PIAS2: variants seen among roughly 807,000 people sequenced by gnomAD.
PIAS2 encodes the protein protein inhibitor of activated STAT 2.
Under a neutral mutation model 69.7 loss-of-function variants are expected in PIAS2, and 19 were observed. The ratio of observed to expected loss-of-function variants is 0.27; its 90% CI spans 0.19 to 0.40. The LOEUF is 0.40. Ranked by LOEUF, PIAS2 falls within the 10% of genes least tolerant of loss-of-function variation. The pLI is 1.00. For missense variants in PIAS2, 624 were observed against 757.0 expected (o/e 0.82, Z 2.06); for synonymous variants, 261 against 263.2 (o/e 0.99, Z 0.08).
chr18:46,856,031 A>G, intron 3 of PIAS2, among the ~76,000 whole-genome samples: 2 of 107,862 alleles, frequency 1.9e-5, no homozygotes, highest in African/African-American at 3.8e-5. Flanking sequence ...TTTGAGACAG[A>G]GTCTTGCCCT....
intron 9 of PIAS2, among the ~76,000 whole-genome samples, chr18:46,833,458 A>G (rs986360966): frequency 6.6e-6 from 1 of 152,192 alleles, no homozygotes; most frequent in Non-Finnish European, 1.5e-5. Context: ...GACTGGGATA[A>G]TGATTTCATA....
At chr18:46,848,999 G>A (rs1255532773) in intron 5 of PIAS2, among the ~76,000 whole-genome samples, 2 of 152,112 alleles carry the variant, frequency 1.3e-5, no homozygotes, top group Admixed American at 1.3e-4. Flanking sequence ...TTTGGGCCTG[G>A]AAGATAATTC....
chr18:46,890,902 T>G lies in PIAS2; in HGVS notation c.177A>C (p.Glu59Asp). 6.2e-7 allele frequency: 1 copy of G among 1,614,154 alleles called. No individual in the cohort carries two copies. The change falls in exon 2 of 14, where the codon GAA (glutamate) becomes GAC (aspartate). Residue 59 changes from glutamate (E) to aspartate (D), a missense_variant. Transcript: ENST00000585916. ...CSPAVQIKIRELYRRRYPRTL... is the reference protein window; with the variant it reads ...CSPAVQIKIRDLYRRRYPRTL... ...TTCGTGGATATCGGCGTCTATACAA[T>G]TCTCGGATTTTAATCTGAACCGCAG...
rs1167556188 is a variant in PIAS2 at position 46,808,731 on chromosome 18, T to C, written c.*3702A>G. On this transcript the variant is annotated 3_prime_UTR_variant, in exon 14 of 14. Coordinates refer to ENST00000585916, the MANE Select transcript of PIAS2 (RefSeq NM_004671.5). ...GAGCTAGAAAATAATGGTAGTGTCA[T>C]TATGACATTCCATGAAAATGAAGAA... The C allele has an allele frequency of 1.3e-5, 2 of 151,950 alleles. No individual in the cohort carries two copies. Among genetic ancestry groups the C allele is most frequent in the Non-Finnish European group, 2.9e-5 (2 of 68,006 alleles). 9.4% of individuals were successfully genotyped at this position (151,950 alleles called of 1,614,324 possible). A position where few individuals can be genotyped will look rare whatever the true frequency, so the allele number is the denominator to read the frequency against.
chr18:46,902,855 G>A (rs1363728991), intron 1 of PIAS2, among the ~76,000 whole-genome samples: 1 of 152,152 alleles, frequency 6.6e-6, no homozygotes. Flanking sequence ...GGTATTAGTG[G>A]AAGGGTAGAC....
chr18:46,891,628 TA>T, intron 1 of PIAS2: 4 of 891,416 alleles, frequency 4.5e-6, no homozygotes, highest in Non-Finnish European at 5.4e-6. Context: ...ATATTAAAGC[TA>T]AAAAATCACA....
Position 46,807,772 on chromosome 18 carries a change from C to T in PIAS2, c.*4661G>A, listed in dbSNP as rs770996565. 2.0e-5 allele frequency: 3 copies of T among 152,202 alleles called. No homozygotes were observed. The highest frequency in any genetic ancestry group is 2.9e-5 in the Non-Finnish European group (2 of 68,042). 9.4% of individuals were successfully genotyped at this position (152,202 alleles called of 1,614,324 possible). A position where few individuals can be genotyped will look rare whatever the true frequency, so the allele number is the denominator to read the frequency against. ...GATCTCCATATCAGTTAACCCCGTT[C>T]CATAGAGTCAGAAAGGCAGAGGGTC... On this transcript the variant is annotated 3_prime_UTR_variant, in exon 14 of 14. Transcript: ENST00000585916.
chr18:46,852,337 A>G (rs1175576325), intron 5 of PIAS2, among the ~76,000 whole-genome samples: 1 of 152,120 alleles, frequency 6.6e-6, no homozygotes. Flanking sequence ...TTTCTTTGGG[A>G]TGGCCCTATA....
chr18:46,816,427 C>A (rs2041542771), intron 12 of PIAS2: 1 of 985,162 alleles, frequency 1.0e-6, no homozygotes. Context: ...TGAAAGAAAT[C>A]ATTCCAACGA....
rs1267620259 is a variant in PIAS2, at chr18:46,890,117, A to G, written c.499+463T>C. 3.3e-5 allele frequency among the ~76,000 whole-genome samples: 5 copies of G among 152,362 alleles called. No homozygotes were observed. The East Asian group carries it at 9.6e-4, about 29-fold the overall frequency. On this transcript the variant is annotated intron_variant, in intron 2 of 13. Transcript: ENST00000585916. ...ACAAATACTGTATGATTCCAACGAC[A>G]TGAGGTACTTGGAATAGTCAAAATC... is the stretch of plus-strand genomic sequence containing the variant.
intron 1 of PIAS2, chr18:46,904,039 G>A (rs748996572): frequency 7.2e-5 from 11 of 152,084 alleles, no homozygotes; most frequent in African/African-American, 1.7e-4. Context: ...AAAGATGAGC[G>A]GGCCCCAGAG....
intron 10 of PIAS2, among the ~76,000 whole-genome samples, chr18:46,828,610 A>C (rs895256390): frequency 3.3e-5 from 5 of 152,312 alleles, no homozygotes; most frequent in Middle Eastern, 3.4e-3. Context: ...TATATCAAAG[A>C]AAGTACAGAC....
At chr18:46,828,688 C>CA (rs1458763492) in intron 10 of PIAS2, among the ~76,000 whole-genome samples, 1 of 152,184 alleles carries the variant, frequency 6.6e-6, no homozygotes, top group African/African-American at 2.4e-5. Context: ...CCAAACCTCT[C>CA]AATTAAGTTA....
At chr18:46,837,621 C>A (rs1019070041) in intron 8 of PIAS2, among the ~76,000 whole-genome samples, 9 of 151,982 alleles carry the variant, frequency 5.9e-5, no homozygotes, top group Non-Finnish European at 1.3e-4. Context: ...TTTATATAAT[C>A]AACTGTGTCA....
At chr18:46,828,669 G>GA (rs1384563133) in intron 10 of PIAS2, among the ~76,000 whole-genome samples, 2 of 152,048 alleles carry the variant, frequency 1.3e-5, no homozygotes, top group Admixed American at 6.6e-5. Flanking sequence ...TTGATAAGTT[G>GA]AAAAAAACCC....
intron 1 of PIAS2, among the ~76,000 whole-genome samples, chr18:46,894,432 G>A (rs906697273): frequency 6.6e-6 from 1 of 152,138 alleles, no homozygotes; most frequent in Admixed American, 6.6e-5. Context: ...AACCTCTGAT[G>A]TTGGTATCTT....
chr18:46,820,933 C>G lies in PIAS2; in HGVS notation c.1648G>C (p.Gly550Arg). The change falls in exon 12 of 14, where the codon GGT becomes CGT. Residue 550 changes from glycine (G) to arginine (R), a missense_variant and splice_region_variant. Physicochemically the swap from Gly to Arg is moderately radical, Grantham distance 125 (BLOSUM62 -2). This residue lies in a region of PIAS2 where 241 missense variants were observed against 257.3 expected (regional missense o/e 0.94). Transcript: ENST00000585916. ...AAAGAAACAAAAACACTCCACATAC[C>G]TGGCAAATCTGATGACATGCTTGAT... Reference protein sequence around the residue: ...PISSMSSDLPGLDFLSLIPVD... With the variant: ...PISSMSSDLPRLDFLSLIPVD... The G allele has an allele frequency of 6.2e-7, 1 of 1,609,000 alleles. No homozygotes were observed. The highest frequency in any genetic ancestry group is 8.5e-7 in the Non-Finnish European group (1 of 1,177,728).
chr18:46,818,456 T>C (rs1401107161), intron 12 of PIAS2: 1 of 1,564,186 alleles, frequency 6.4e-7, no homozygotes, highest in Admixed American at 1.8e-5. Flanking sequence ...TCCTGCAGAT[T>C]CAGAAGATTC....
intron 1 of PIAS2, among the ~76,000 whole-genome samples, chr18:46,897,108 T>C (rs1011935597): frequency 1.3e-5 from 2 of 152,154 alleles, no homozygotes; most frequent in African/African-American, 4.8e-5. Flanking sequence ...CAGGGGAAAC[T>C]GGGTGTGGGC....
Sources: allele counts gnomAD v4.1 joint callset (sites outside exome capture counted in the v4.1 genomes callset), GRCh38; gene constraint gnomAD v4.1.1; regional missense constraint gnomAD v4.1.1; transcripts MANE v1.5; gene names NCBI Gene and HGNC (gene_info 2026-07-23, HGNC 2026-07-21).